The following SPOCK3 variants were observed in gnomAD, a reference collection of about 807,000 sequenced individuals.
SPOCK3 encodes the protein testican-3.
SPOCK3 carries 30 observed loss-of-function variants against 56.6 expected under a neutral mutation model. The observed-to-expected ratio is 0.53, with a 90% CI of 0.40 to 0.72. The LOEUF is 0.72. SPOCK3 is among the 30% of genes least tolerant of loss of function. The pLI, the probability that SPOCK3 is intolerant of heterozygous loss-of-function variation, is 0.00. For synonymous variants in SPOCK3, 196 were observed against 183.3 expected, an observed-to-expected ratio of 1.07 and a Z score of -0.56; for missense variants, 527 against 530.0, an observed-to-expected ratio of 0.99 and a Z score of 0.06.
intron 2 of SPOCK3, among the ~76,000 whole-genome samples, chr4:167,175,581 T>C (rs1201210568): frequency 2.0e-5 from 3 of 152,104 alleles, no homozygotes; most frequent in South Asian, 2.1e-4. Context: ...AGTGGGCCTA[T>C]ATACAATATG....
At chr4:166,842,691 G>T (rs1747571316) in intron 6 of SPOCK3, among the ~76,000 whole-genome samples, 1 of 152,212 alleles carries the variant, frequency 6.6e-6, no homozygotes, top group Non-Finnish European at 1.5e-5. Flanking sequence ...TAAACACAGA[G>T]TGCTGATTGG....
chr4:166,826,705 A>T (rs1745519613), intron 6 of SPOCK3, among the ~76,000 whole-genome samples: 1 of 152,138 alleles, frequency 6.6e-6, no homozygotes, highest in Non-Finnish European at 1.5e-5. Context: ...CCCACATCCC[A>T]TATTTCTGGG....
In SPOCK3 at chr4:167,188,238, C is replaced by T. The variant is rs964393204; in HGVS notation, c.189+45747G>A. Among the ~76,000 whole-genome samples, 12 of 145,936 alleles carry T rather than the reference C, an allele frequency of 8.2e-5. 2 individuals are homozygous for T. The highest frequency in any genetic ancestry group is 4.9e-4 in the Admixed American group (7 of 14,228). On this transcript the variant is annotated intron_variant, in intron 2 of 10. Transcript: ENST00000357545. The stretch of plus-strand genomic sequence containing the variant: ...TATGACTCCCACACCAAAGACCTGA[C>T]GAGAAAGAGAGAGGTCCCTTTTGGG...
chr4:166,842,128 G>A (rs1419652237), intron 6 of SPOCK3, among the ~76,000 whole-genome samples: 1 of 152,224 alleles, frequency 6.6e-6, no homozygotes, highest in African/African-American at 2.4e-5. Flanking sequence ...GACCTTTGCA[G>A]TGAGTGTTAT....
At chr4:166,848,068 T>G (rs1306371293) in intron 6 of SPOCK3, among the ~76,000 whole-genome samples, 2 of 152,164 alleles carry the variant, frequency 1.3e-5, no homozygotes, top group Non-Finnish European at 2.9e-5. Context: ...TGTTGGATGG[T>G]GGTGTTCTCA....
Position 166,971,053 on chromosome 4 carries a change from G to T in SPOCK3, c.350+29296C>A, listed in dbSNP as rs867963110. Among the ~76,000 whole-genome samples the T allele has an allele frequency of 2.6e-5, 4 of 152,142 alleles. No individual in the cohort carries two copies. In the South Asian group the frequency reaches 8.3e-4, roughly 32 times the overall value. ...TGATTTTTTAAATTAGGAAAGACAA[G>T]TTGAAACACATCAGAAGTATAGGCA... On this transcript the variant is annotated intron_variant, in intron 4 of 10. Coordinates refer to ENST00000357545, the MANE Select transcript of SPOCK3 (RefSeq NM_001040159.2).
intron 2 of SPOCK3, among the ~76,000 whole-genome samples, chr4:167,171,869 TA>T (rs1457148688): frequency 2.0e-5 from 3 of 148,064 alleles, no homozygotes; most frequent in African/African-American, 2.5e-5. Flanking sequence ...AAAGTAAATT[TA>T]AAAAAAAAGA....
intron 8 of SPOCK3, among the ~76,000 whole-genome samples, chr4:166,746,970 T>C (rs1735702326): frequency 6.6e-6 from 1 of 151,940 alleles, no homozygotes; most frequent in African/African-American, 2.4e-5. Flanking sequence ...AATAACAGAC[T>C]CTGAAATTGA....
chr4:167,057,240 C>G (rs1040231313), intron 3 of SPOCK3, among the ~76,000 whole-genome samples: 1 of 152,070 alleles, frequency 6.6e-6, no homozygotes, highest in Non-Finnish European at 1.5e-5. Context: ...AAATGCTCAG[C>G]GATTTTGTCA....
intron 4 of SPOCK3, among the ~76,000 whole-genome samples, chr4:166,944,396 C>A (rs1741473201): frequency 6.6e-6 from 1 of 152,108 alleles, no homozygotes; most frequent in Admixed American, 6.5e-5. Context: ...TCCCATCTAA[C>A]CCTCATTTGA....
intron 1 of SPOCK3, 27 bp from the exon 2 acceptor site, chr4:167,234,200 G>T (rs757408927): frequency 1.9e-6 from 3 of 1,605,870 alleles, no homozygotes; most frequent in East Asian, 2.2e-5. Context: ...AACGGGGGGT[G>T]GGGGGGCATG....
intron 4 of SPOCK3, among the ~76,000 whole-genome samples, chr4:166,998,585 G>C (rs1218842779): frequency 1.3e-5 from 2 of 152,110 alleles, no homozygotes; most frequent in African/African-American, 4.8e-5. Flanking sequence ...CTTAGCTTCA[G>C]TGTCCAGCAG....
At chr4:166,752,125 C>T (rs1392091139) in intron 8 of SPOCK3, among the ~76,000 whole-genome samples, 1 of 152,006 alleles carries the variant, frequency 6.6e-6, no homozygotes, top group Non-Finnish European at 1.5e-5. Flanking sequence ...CAACCTCCAA[C>T]CTCCTTCTCC....
intron 2 of SPOCK3, among the ~76,000 whole-genome samples, chr4:167,211,983 T>C (rs1174382637): frequency 6.6e-6 from 1 of 152,218 alleles, no homozygotes. Flanking sequence ...ATGGACAGTG[T>C]AAACATACTG....
intron 7 of SPOCK3, among the ~76,000 whole-genome samples, chr4:166,776,612 C>T (rs535096253): frequency 1.8e-4 from 28 of 152,018 alleles, no homozygotes; most frequent in Non-Finnish European, 3.4e-4. Context: ...CCAAACAGTA[C>T]AAATTTATCA....
intron 3 of SPOCK3, among the ~76,000 whole-genome samples, chr4:167,016,016 AAAT>A (rs2150153263): frequency 6.6e-6 from 1 of 152,280 alleles, no homozygotes; most frequent in Non-Finnish European, 1.5e-5. Context: ...CAAATATTCA[AAAT>A]GTTCAAAAAG....
intron 2 of SPOCK3, among the ~76,000 whole-genome samples, chr4:167,120,303 T>C (rs1344409607): frequency 6.6e-6 from 1 of 151,940 alleles, no homozygotes; most frequent in Non-Finnish European, 1.5e-5. Flanking sequence ...TCCTAGAGGG[T>C]TGATGTGAGG....
chr4:167,001,414 T>C (rs958768331), intron 3 of SPOCK3, among the ~76,000 whole-genome samples: 5 of 152,204 alleles, frequency 3.3e-5, no homozygotes, highest in Non-Finnish European at 7.3e-5. Flanking sequence ...CTTCTTTCAC[T>C]TCGAACAATG....
At chr4:166,836,952 A>G (rs1328527831) in intron 6 of SPOCK3, among the ~76,000 whole-genome samples, 1 of 152,198 alleles carries the variant, frequency 6.6e-6, no homozygotes, top group African/African-American at 2.4e-5. Context: ...CTACTTGGCT[A>G]TCAATTCCCA....
Sources: gnomAD v4.1 joint callset for allele counts (sites outside exome capture counted in the v4.1 genomes callset) on GRCh38, gnomAD v4.1.1 for gene constraint, MANE v1.5 for transcripts, NCBI Gene and HGNC (gene_info 2026-07-23, HGNC 2026-07-21) for gene names.